KCNMA1: variants seen among roughly 807,000 people sequenced by gnomAD.
KCNMA1 encodes the protein Calcium-activated potassium channel subunit alpha-1.
A neutral mutation model predicts 140.0 loss-of-function variants in KCNMA1; 29 were observed. The ratio of observed to expected loss-of-function variants is 0.21; its 90% CI spans 0.15 to 0.28. The LOEUF (loss-of-function observed/expected upper bound fraction) is 0.28, where lower values mean the gene tolerates loss of function less well. Among genes scored for constraint, KCNMA1 ranks in the 10% least tolerant of loss-of-function variants. The pLI, the probability that KCNMA1 is intolerant of heterozygous loss-of-function variation, is 1.00. For missense variants in KCNMA1, 880 were observed against 1,602.2 expected, an observed-to-expected ratio of 0.55 and a Z score of 7.70; for synonymous variants, 612 against 611.9, an observed-to-expected ratio of 1.00 and a Z score of 0.00.
chr10:77,001,540 A>C lies in KCNMA1; in HGVS notation c.2133T>G (p.Cys711Trp), dbSNP rs1207326050. ...CACGCTCAGAACGTCCGCAATCAAA[A>C]CAACATGCCCGTCTCATTCTCTTGT... ...SIYKRMRRAC[C>W]FDCGRSERDC... Residue 711 changes from cysteine (C) to tryptophan (W), a missense_variant, in exon 19 of 28, where the codon TGT becomes TGG. By Grantham distance (215) the Cys-to-Trp change is radical (BLOSUM62 -2). Transcript: ENST00000286628. The C allele has an allele frequency of 1.0e-5, 16 of 1,552,024 alleles. No homozygotes were observed. The highest frequency in any genetic ancestry group is 1.3e-5 in the Non-Finnish European group (15 of 1,147,002).
intron 3 of KCNMA1, among the ~76,000 whole-genome samples, chr10:77,236,311 G>T (rs1434967661): frequency 1.3e-5 from 2 of 152,166 alleles, no homozygotes; most frequent in African/African-American, 4.8e-5. Context: ...ATTTTAATCT[G>T]TATCTTTTCC....
chr10:77,469,807 G>A (rs796371114), intron 1 of KCNMA1, among the ~76,000 whole-genome samples: 7 of 152,306 alleles, frequency 4.6e-5, no homozygotes, highest in African/African-American at 1.7e-4. Flanking sequence ...ATTTGTTAAT[G>A]GATCTTCCGG....
chr10:77,261,984 T>C (rs1190204553), intron 2 of KCNMA1, among the ~76,000 whole-genome samples: 2 of 152,176 alleles, frequency 1.3e-5, no homozygotes, highest in African/African-American at 4.8e-5. Flanking sequence ...CGTAGTCAGG[T>C]CAGAAGTTGC....
chr10:77,177,609 C>T (rs2098764009), intron 5 of KCNMA1, among the ~76,000 whole-genome samples: 1 of 151,916 alleles, frequency 6.6e-6, no homozygotes, highest in Non-Finnish European at 1.5e-5. Context: ...AGTAGCAAGG[C>T]CACTTTCTTC....
intron 1 of KCNMA1, among the ~76,000 whole-genome samples, chr10:77,408,411 AGT>A (rs1224433020): frequency 2.0e-5 from 3 of 150,700 alleles, no homozygotes; most frequent in African/African-American, 4.9e-5. Flanking sequence ...CATGTGTGAG[AGT>A]GTGTGCATGT....
intron 1 of KCNMA1, among the ~76,000 whole-genome samples, chr10:77,414,929 C>T (rs765132707): frequency 3.9e-5 from 6 of 152,200 alleles, no homozygotes; most frequent in Non-Finnish European, 7.3e-5. Flanking sequence ...TCCACACTGT[C>T]TTGGGATAGG....
chr10:77,008,617 A>G (rs560224870), intron 18 of KCNMA1, among the ~76,000 whole-genome samples: 1 of 152,362 alleles, frequency 6.6e-6, no homozygotes, highest in East Asian at 1.9e-4. Flanking sequence ...TTACTGAATG[A>G]AAGTGAATGA....
At chr10:77,516,195 C>G (rs1226066120) in intron 1 of KCNMA1, among the ~76,000 whole-genome samples, 2 of 152,042 alleles carry the variant, frequency 1.3e-5, no homozygotes, top group African/African-American at 2.4e-5. Flanking sequence ...AGCCCACCCC[C>G]CTACTCCGCC....
chr10:77,044,118 G>A (rs1437087745), intron 14 of KCNMA1, among the ~76,000 whole-genome samples: 3 of 152,076 alleles, frequency 2.0e-5, no homozygotes, highest in Admixed American at 6.5e-5. Context: ...ACAAGGACAC[G>A]AATAGGCCAA....
At chr10:76,916,015 TAA>T (rs1376360224) in intron 23 of KCNMA1, among the ~76,000 whole-genome samples, 3 of 141,566 alleles carry the variant, frequency 2.1e-5, no homozygotes, top group African/African-American at 8.6e-5. Context: ...TTTATACACA[TAA>T]ACACACACAC....
chr10:77,344,705 G>A (rs1036561518), intron 2 of KCNMA1, among the ~76,000 whole-genome samples: 4 of 151,942 alleles, frequency 2.6e-5, no homozygotes, highest in South Asian at 2.1e-4. Context: ...GACCTCACCC[G>A]TAGTAATCAC....
At chr10:77,431,885 C>T (rs1451682388) in intron 1 of KCNMA1, among the ~76,000 whole-genome samples, 2 of 151,654 alleles carry the variant, frequency 1.3e-5, no homozygotes, top group African/African-American at 2.4e-5. Flanking sequence ...CCCAGCTACT[C>T]GGGAGGTTGA....
intron 19 of KCNMA1, among the ~76,000 whole-genome samples, chr10:76,976,266 G>A (rs1417846208): frequency 1.3e-5 from 2 of 152,174 alleles, no homozygotes; most frequent in Non-Finnish European, 2.9e-5. Context: ...GGCTTTTGTG[G>A]AGCTAATAGG....
chr10:76,873,674 A>G (rs1416239955), downstream of KCNMA1: 2 of 152,196 alleles, frequency 1.3e-5, no homozygotes, highest in Non-Finnish European at 2.9e-5. Flanking sequence ...GGATCTACTT[A>G]GTCTCCTAGG....
chr10:77,225,786 C>T (rs1394005371), intron 3 of KCNMA1, among the ~76,000 whole-genome samples: 2 of 152,218 alleles, frequency 1.3e-5, no homozygotes, highest in African/African-American at 4.8e-5. Flanking sequence ...AATGGAGGAG[C>T]GTGGCAACCT....
At chr10:77,148,579 C>T (rs2098357422) in intron 5 of KCNMA1, among the ~76,000 whole-genome samples, 1 of 152,140 alleles carries the variant, frequency 6.6e-6, no homozygotes, top group Admixed American at 6.5e-5. Context: ...GTGTTTTATT[C>T]TGAAGCTCTA....
At chr10:77,616,184 T>C (rs1328092389) in intron 1 of KCNMA1, among the ~76,000 whole-genome samples, 1 of 152,166 alleles carries the variant, frequency 6.6e-6, no homozygotes, top group Non-Finnish European at 1.5e-5. Flanking sequence ...GATGCAAAGA[T>C]GGAAGGCACA....
chr10:76,948,606 A>C (rs1454912875), intron 22 of KCNMA1, among the ~76,000 whole-genome samples: 2 of 152,118 alleles, frequency 1.3e-5, no homozygotes, highest in Non-Finnish European at 2.9e-5. Context: ...CACACACACA[A>C]ACACAACCAT....
chr10:77,074,475 C>A (rs921930074), intron 13 of KCNMA1, among the ~76,000 whole-genome samples: 2 of 152,302 alleles, frequency 1.3e-5, no homozygotes, highest in Middle Eastern at 6.8e-3. Flanking sequence ...TTTTGAGGAA[C>A]AGTTAAGACA....
Sources: gnomAD v4.1 joint callset for allele counts (sites outside exome capture counted in the v4.1 genomes callset) on GRCh38, gnomAD v4.1.1 for gene constraint, MANE v1.5 for transcripts, NCBI Gene and HGNC (gene_info 2026-07-23, HGNC 2026-07-21) for gene names.